Variants in SIDT1 observed in about 807,000 individuals in gnomAD.
SIDT1 encodes SID1 transmembrane family member 1.
Under a neutral mutation model 107.5 loss-of-function variants are expected in SIDT1, and 101 were observed. The observed-to-expected ratio is 0.94, with a 90% CI of 0.80 to 1.11. SIDT1 has a LOEUF of 1.11. Among genes scored for constraint, SIDT1 ranks in the 50% least tolerant of loss-of-function variants. SIDT1 has a pLI of 0.00. For synonymous variants in SIDT1, 395 were observed against 398.2 expected (o/e 0.99, Z 0.10); for missense variants, 1,076 against 1,058.2 (o/e 1.02, Z -0.23).
intron 1 of SIDT1, among the ~76,000 whole-genome samples, chr3:113,534,806 GAGA>G (rs1937917400): frequency 2.0e-5 from 3 of 152,332 alleles, no homozygotes; most frequent in Non-Finnish European, 4.4e-5. Flanking sequence ...GTTCTGCATA[GAGA>G]TAGAGCATCT....
chr3:113,589,368 G>C (rs145164291), intron 9 of SIDT1, among the ~76,000 whole-genome samples: 1 of 152,016 alleles, frequency 6.6e-6, no homozygotes, highest in African/African-American at 2.4e-5. Context: ...TGCAAACTTG[G>C]GTAAAGTCTG....
At chr3:113,608,986 A>G (rs1945542402) in intron 17 of SIDT1, among the ~76,000 whole-genome samples, 1 of 151,758 alleles carries the variant, frequency 6.6e-6, no homozygotes, top group Non-Finnish European at 1.5e-5. Flanking sequence ...AAGAGCAAGG[A>G]AGTTGTTTTT....
chr3:113,533,343 CGGGGA>C, intron 1 of SIDT1, 100 bp downstream of exon 1: 3 of 943,110 alleles, frequency 3.2e-6, no homozygotes, highest in Non-Finnish European at 4.4e-6. Context: ...TGGGAGACTT[CGGGGA>C]CCAGGGGACT....
intron 11 of SIDT1, chr3:113,602,760 C>A: frequency 5.6e-6 from 2 of 356,028 alleles, no homozygotes; most frequent in South Asian, 8.1e-5. Context: ...AGAGCAGATG[C>A]CCTTAGATTC....
intron 19 of SIDT1, among the ~76,000 whole-genome samples, chr3:113,613,503 GT>G (rs1337649205): frequency 6.6e-6 from 1 of 152,172 alleles, no homozygotes; most frequent in Non-Finnish European, 1.5e-5. Flanking sequence ...GCAATTGCTC[GT>G]TTTCAAAGGT....
intron 1 of SIDT1, among the ~76,000 whole-genome samples, chr3:113,540,858 G>T (rs1330661182): frequency 1.3e-5 from 2 of 151,516 alleles, no homozygotes; most frequent in Admixed American, 1.3e-4. Flanking sequence ...TTTGTCTATT[G>T]TCTATTCATC....
downstream of SIDT1, among the ~76,000 whole-genome samples, chr3:113,633,977 T>G (rs901258037): frequency 6.6e-6 from 1 of 152,130 alleles, no homozygotes; most frequent in Non-Finnish European, 1.5e-5. Flanking sequence ...GCCTGGCCTG[T>G]CCTGCCCAGA....
At chr3:113,587,424 A>G (rs1358407511) in intron 9 of SIDT1, among the ~76,000 whole-genome samples, 1 of 152,132 alleles carries the variant, frequency 6.6e-6, no homozygotes, top group Non-Finnish European at 1.5e-5. Context: ...TGGAAAGTAT[A>G]CATTAACTGA....
chr3:113,610,350 C>T (rs543120210), intron 17 of SIDT1, among the ~76,000 whole-genome samples: 4 of 152,298 alleles, frequency 2.6e-5, no homozygotes, highest in East Asian at 1.9e-4. Context: ...TTCCCATTCC[C>T]AATAGCTGTG....
intron 23 of SIDT1, among the ~76,000 whole-genome samples, chr3:113,624,542 T>C (rs1241825630): frequency 6.6e-6 from 1 of 152,258 alleles, no homozygotes; most frequent in Non-Finnish European, 1.5e-5. Flanking sequence ...TGTGTCATTA[T>C]GAGTGATGCT....
chr3:113,541,152 AC>A (rs1316778604), intron 1 of SIDT1, among the ~76,000 whole-genome samples: 20 of 151,912 alleles, frequency 1.3e-4, no homozygotes, highest in African/African-American at 4.8e-4. Context: ...ATACACACAC[AC>A]ACACACACAC....
chr3:113,550,716 A>AT (rs1324504489), intron 1 of SIDT1, among the ~76,000 whole-genome samples: 3 of 152,152 alleles, frequency 2.0e-5, no homozygotes, highest in African/African-American at 4.8e-5. Flanking sequence ...CTTTAAAAAA[A>AT]TTTTTTTAAG....
chr3:113,541,021 A>G (rs774694164), intron 1 of SIDT1, among the ~76,000 whole-genome samples: 1 of 151,870 alleles, frequency 6.6e-6, no homozygotes, highest in Non-Finnish European at 1.5e-5. Flanking sequence ...TTCATCCTCC[A>G]TTTTTGGTAA....
At chr3:113,543,541 G>A (rs1412537304) in intron 1 of SIDT1, among the ~76,000 whole-genome samples, 1 of 152,038 alleles carries the variant, frequency 6.6e-6, no homozygotes, top group East Asian at 1.9e-4. Context: ...CATGTTTCGG[G>A]GTTAGTGGGG....
At chr3:113,602,578 A>C (rs1025039461) in intron 11 of SIDT1, 1 of 152,806 alleles carries the variant, frequency 6.5e-6, no homozygotes, top group African/African-American at 2.4e-5. Context: ...GTGTACAAAT[A>C]CTTTACCCAT....
chr3:113,562,891 G>A (rs1941558665), intron 1 of SIDT1, among the ~76,000 whole-genome samples: 1 of 152,134 alleles, frequency 6.6e-6, no homozygotes, highest in South Asian at 2.1e-4. Context: ...AAAAGAAATG[G>A]CCAAGAAAAA....
chr3:113,537,566 C>A (rs1376509913), intron 1 of SIDT1, among the ~76,000 whole-genome samples: 1 of 152,242 alleles, frequency 6.6e-6, no homozygotes, highest in African/African-American at 2.4e-5. Flanking sequence ...TTTTGCTGAA[C>A]TGCACTAGTG....
chr3:113,630,457 C>T (rs1156636186), downstream of SIDT1, among the ~76,000 whole-genome samples: 1 of 152,126 alleles, frequency 6.6e-6, no homozygotes, highest in Non-Finnish European at 1.5e-5. Context: ...ACCGAGCCAG[C>T]TCCTCGGGGC....
chr3:113,576,980 G>A lies in SIDT1; in HGVS notation c.561+13G>A, dbSNP rs1942955374. 6.2e-7 allele frequency: 1 copy of A among 1,613,460 alleles called. No individual in the cohort carries two copies. The highest frequency in any genetic ancestry group is 1.1e-5 in the South Asian group (1 of 91,054). On this transcript the variant is annotated intron_variant, in intron 4 of 24. Coordinates refer to ENST00000264852, the MANE Select transcript of SIDT1 (RefSeq NM_017699.3). ...CTCTCAACCTCAGGTAAGTGAAGGGGTTCCAAGAGTTATCAACATCCTACC... is the reference window on the plus strand; with the variant it reads ...CTCTCAACCTCAGGTAAGTGAAGGGATTCCAAGAGTTATCAACATCCTACC...
Sources: allele counts gnomAD v4.1 joint callset (sites outside exome capture counted in the v4.1 genomes callset), GRCh38; gene constraint gnomAD v4.1.1; transcripts MANE v1.5; gene names NCBI Gene and HGNC (gene_info 2026-07-23, HGNC 2026-07-21).